Variants in POLR2F observed in about 807,000 individuals in gnomAD.
POLR2F encodes the protein DNA-directed RNA polymerases I, II, and III subunit RPABC2.
A neutral mutation model predicts 22.7 loss-of-function variants in POLR2F; 12 were observed. The observed-to-expected ratio is 0.53, with a 90% CI of 0.34 to 0.86. The LOEUF (loss-of-function observed/expected upper bound fraction) is 0.86. POLR2F is among the 40% of genes least tolerant of loss of function. The pLI is 0.02. For missense variants in POLR2F, 126 were observed against 171.5 expected (o/e 0.73, Z 1.48); for synonymous variants, 57 against 66.0 (o/e 0.86, Z 0.66).
intron 1 of POLR2F, among the ~76,000 whole-genome samples, chr22:38,024,730 G>A (rs1156478171): frequency 1.3e-5 from 2 of 152,094 alleles, no homozygotes; most frequent in East Asian, 3.8e-4. Flanking sequence ...ATTTGAGAGT[G>A]TGATTTGGTC....
intron 1 of POLR2F, among the ~76,000 whole-genome samples, chr22:37,992,342 C>T (rs1442705098): frequency 6.6e-6 from 1 of 152,030 alleles, no homozygotes; most frequent in South Asian, 2.1e-4. Flanking sequence ...GATCTGCCGC[C>T]AAGGTGGCTG....
chr22:37,960,851 CTTTTTT>C (rs71195075), intron 3 of POLR2F, among the ~76,000 whole-genome samples: 4 of 131,560 alleles, frequency 3.0e-5, no homozygotes, highest in Admixed American at 1.6e-4. Context: ...TTTCTTTTTT[CTTTTTT>C]TTTTTTTTTG....
rs1280080079 is a variant in POLR2F at position 37,974,732 on chromosome 22, G to A, written c.293+7562G>A. Among the ~76,000 whole-genome samples, 1 of 152,174 alleles carries A rather than the reference G, an allele frequency of 6.6e-6. No homozygotes were observed. Among genetic ancestry groups the A allele is most frequent in the Non-Finnish European group, 1.5e-5 (1 of 68,030 alleles). The stretch of plus-strand genomic sequence containing the variant: ...TCAAATCTTAGGGATGGGTCCTGGG[G>A]AGGCCTGCCTCATTCTGAAAAAACC... On this transcript the variant is annotated intron_variant, in intron 4 of 4. Transcript: ENST00000405557. The surrounding 1 kb of genome is among the most constrained non-coding windows in gnomAD (Gnocchi z 5.4).
At chr22:38,040,900 G>A (rs2085165800) in intron 5 of POLR2F, 1 of 1,020,740 alleles carries the variant, frequency 9.8e-7, no homozygotes, top group Non-Finnish European at 1.5e-6. Flanking sequence ...AGGGGAACAT[G>A]GGGGCAAGGA....
At chr22:38,007,979 C>T (rs946204071) in intron 1 of POLR2F, among the ~76,000 whole-genome samples, 2 of 152,186 alleles carry the variant, frequency 1.3e-5, no homozygotes, top group African/African-American at 2.4e-5. Flanking sequence ...GTGGCTCACG[C>T]CTATAATCCT....
At chr22:37,957,636 G>A (rs1931452252) in intron 2 of POLR2F, among the ~76,000 whole-genome samples, 2 of 152,076 alleles carry the variant, frequency 1.3e-5, no homozygotes, top group Non-Finnish European at 1.5e-5. Flanking sequence ...AGTCAGATGC[G>A]TCCTTCTCCA....
chr22:38,016,753 G>A lies in POLR2F; in HGVS notation c.121-9116G>A, dbSNP rs1478692586. Among the ~76,000 whole-genome samples, 1 of 151,854 alleles carries A rather than the reference G, an allele frequency of 6.6e-6. No homozygotes were observed. Among genetic ancestry groups the A allele is most frequent in the African/African-American group, 2.4e-5 (1 of 41,350 alleles). ...CCGCGGGGGGAGGGGGCGGGAGGGGGCCGCCGTCAATGCCCGCATTGTCCC... is the reference window on the plus strand; with the variant it reads ...CCGCGGGGGGAGGGGGCGGGAGGGGACCGCCGTCAATGCCCGCATTGTCCC... On this transcript the variant is annotated intron_variant, in intron 1 of 2. Coordinates refer to the POLR2F transcript ENST00000333418. This position sits in a 1 kb window ranked among gnomAD's most constrained non-coding sequence, Gnocchi z 4.4.
At chr22:38,029,106 G>A (rs1232769357), downstream of POLR2F, among the ~76,000 whole-genome samples, 1 of 152,202 alleles carries the variant, frequency 6.6e-6, no homozygotes, top group Non-Finnish European at 1.5e-5. Flanking sequence ...GGGTGAGGTG[G>A]TGCTGGTGAA....
At chr22:38,041,183 G>T (rs993947927), downstream of POLR2F, 2 of 1,601,438 alleles carry the variant, frequency 1.2e-6, no homozygotes, top group African/African-American at 2.7e-5. Flanking sequence ...GGTGGGGACT[G>T]GTCAAGGCGG....
At chr22:38,034,738 G>C (rs2085098308) in intron 5 of POLR2F, among the ~76,000 whole-genome samples, 1 of 152,220 alleles carries the variant, frequency 6.6e-6, no homozygotes, top group African/African-American at 2.4e-5. Context: ...AGGGGGTTGT[G>C]CCTGCGCAGC....
intron 1 of POLR2F, among the ~76,000 whole-genome samples, chr22:38,019,144 A>G (rs2084939057): frequency 6.6e-6 from 1 of 151,834 alleles, no homozygotes; most frequent in South Asian, 2.1e-4. Flanking sequence ...GAAGGTGTGC[A>G]TGTGTGTGGG....
chr22:38,024,571 G>T (rs1331035325), intron 1 of POLR2F, among the ~76,000 whole-genome samples: 1 of 152,130 alleles, frequency 6.6e-6, no homozygotes, highest in Non-Finnish European at 1.5e-5. Context: ...CATTATGGGG[G>T]TGCAGGAGGG....
chr22:37,961,059 C>T (rs1297820211), intron 3 of POLR2F, among the ~76,000 whole-genome samples: 1 of 151,578 alleles, frequency 6.6e-6, no homozygotes, highest in Non-Finnish European at 1.5e-5. Flanking sequence ...CGGTGTTAGT[C>T]AGGATGGTCT....
upstream of POLR2F, chr22:37,983,605 G>C: frequency 3.1e-6 from 5 of 1,607,560 alleles, no homozygotes; most frequent in Non-Finnish European, 3.4e-6. This position sits in a 1 kb window ranked among gnomAD's most constrained non-coding sequence, Gnocchi z 9.5. Context: ...CCGCCTCGCC[G>C]TCCTGCTGCT....
chr22:38,013,656 C>T (rs1160624699), intron 1 of POLR2F, among the ~76,000 whole-genome samples: 2 of 152,214 alleles, frequency 1.3e-5, no homozygotes, highest in Non-Finnish European at 2.9e-5. Flanking sequence ...AACACCATTA[C>T]ACAAAGTTAT....
intron 1 of POLR2F, among the ~76,000 whole-genome samples, chr22:37,995,973 C>T (rs940183756): frequency 1.3e-5 from 2 of 152,122 alleles, no homozygotes; most frequent in Admixed American, 6.6e-5. Flanking sequence ...TGCACTCTAT[C>T]CTGGGCAACA....
chr22:38,008,097 G>A (rs910045432), intron 1 of POLR2F, among the ~76,000 whole-genome samples: 2 of 152,096 alleles, frequency 1.3e-5, no homozygotes, highest in Non-Finnish European at 2.9e-5. Context: ...AAAGTTAGCC[G>A]GGCGTGGTGG....
Position 37,974,377 on chromosome 22 carries a change from AG to A in POLR2F, c.293+7208del, listed in dbSNP as rs1932162816. Reference sequence around the variant, plus strand: ...TTTTTGTTTTTTTTTTTTGAGATGGAGTTTCGCTCTTGTTGCCCAGACTGGA... The same window carrying A: ...TTTTTGTTTTTTTTTTTTGAGATGGATTTCGCTCTTGTTGCCCAGACTGGA... On this transcript the variant is annotated intron_variant, in intron 4 of 4. Transcript: ENST00000405557. The surrounding 1 kb of genome is among the most constrained non-coding windows in gnomAD (Gnocchi z 5.4). Among the ~76,000 whole-genome samples, 1 of 135,402 alleles carries A rather than the reference AG, an allele frequency of 7.4e-6. No homozygotes were observed. The highest frequency in any genetic ancestry group is 7.4e-5 in the Admixed American group (1 of 13,470). The allele number at this position is 135,402 out of a possible 152,430, so 88.8% of individuals were successfully genotyped here.
chr22:37,961,336 C>T (rs1007537908), intron 3 of POLR2F, among the ~76,000 whole-genome samples: 1 of 152,282 alleles, frequency 6.6e-6, no homozygotes, highest in East Asian at 1.9e-4. Context: ...GCTGGGATTA[C>T]AAGCATGAGC....
Sources: gnomAD v4.1 joint callset for allele counts (sites outside exome capture counted in the v4.1 genomes callset) on GRCh38, gnomAD v4.1.1 for gene constraint, Gnocchi (gnomAD v3.1) non-coding constraint, MANE v1.5 for transcripts, NCBI Gene and HGNC (gene_info 2026-07-23, HGNC 2026-07-21) for gene names.